TMEM245: variants seen among roughly 807,000 people sequenced by gnomAD.
The protein encoded by TMEM245 is transmembrane protein 245, also known as protein CG-2.
A neutral mutation model predicts 101.2 loss-of-function variants in TMEM245; 69 were observed. That is an observed-to-expected ratio of 0.68 (90% confidence interval 0.56 to 0.83). The LOEUF (loss-of-function observed/expected upper bound fraction) is 0.83, where lower values mean the gene tolerates loss of function less well. TMEM245 is among the 40% of genes least tolerant of loss of function. The pLI is 0.00. For missense variants in TMEM245, 1,075 were observed against 1,092.8 expected, an observed-to-expected ratio of 0.98 and a Z score of 0.23; for synonymous variants, 537 against 449.8, an observed-to-expected ratio of 1.19 and a Z score of -2.45.
intron 12 of TMEM245, among the ~76,000 whole-genome samples, chr9:109,056,079 T>A (rs909381738): frequency 2.6e-5 from 4 of 152,146 alleles, no homozygotes; most frequent in African/African-American, 9.7e-5. Flanking sequence ...TCTTCCACAT[T>A]AGGAAGCCAA....
chr9:109,090,895 C>A (rs761855285), intron 5 of TMEM245, 27 bp downstream of exon 5: 26 of 1,593,716 alleles, frequency 1.6e-5, no homozygotes, highest in East Asian at 2.2e-5. Context: ...AAAGACAAGA[C>A]GAGATCGTAC....
intron 15 of TMEM245, 62 bp downstream of exon 15, chr9:109,037,955 T>C: frequency 7.4e-7 from 1 of 1,348,274 alleles, no homozygotes; most frequent in African/African-American, 1.5e-5. Flanking sequence ...TTCCTAGATG[T>C]ATGTAAAATG....
chr9:109,113,525 A>T (rs994046547), intron 1 of TMEM245, among the ~76,000 whole-genome samples: 1 of 152,266 alleles, frequency 6.6e-6, no homozygotes, highest in Non-Finnish European at 1.5e-5. Flanking sequence ...TAGACACTAC[A>T]TAAGACTGCA....
At chr9:109,038,575 A>C (rs2132333984) in intron 14 of TMEM245, 1 of 152,936 alleles carries the variant, frequency 6.5e-6, no homozygotes, top group Admixed American at 6.5e-5. Flanking sequence ...GGATAGTGTA[A>C]CTTGTATTTC....
chr9:109,076,530 T>C (rs75632323), intron 8 of TMEM245, among the ~76,000 whole-genome samples: 7 of 151,176 alleles, frequency 4.6e-5, no homozygotes, highest in African/African-American at 1.7e-4. Context: ...TAAAGTATAA[T>C]AAAAAAAAAG....
Position 109,080,860 on chromosome 9 carries a change from TAAAAG to T in TMEM245, c.1423_1427del (p.Leu475SerfsTer17), listed in dbSNP as rs758003759. On this transcript the variant is annotated frameshift_variant, in exon 8 of 18. Transcript: ENST00000374586. LOFTEE classifies it high-confidence loss of function. ...CTACCTTTGCAGTCAGGAGTAGGGCTAAAAGAAGAGTTCCTATCACTAACAAAAAT... is the reference window on the plus strand; with the variant it reads ...CTACCTTTGCAGTCAGGAGTAGGGCTAAGAGTTCCTATCACTAACAAAAAT... 7 of 1,602,240 alleles carry T rather than the reference TAAAAG, an allele frequency of 4.4e-6. No individual in the cohort carries two copies. The highest frequency in any genetic ancestry group is 1.1e-5 in the South Asian group (1 of 90,728).
chr9:109,112,850 G>T (rs758342636), intron 1 of TMEM245, among the ~76,000 whole-genome samples: 1 of 152,098 alleles, frequency 6.6e-6, no homozygotes, highest in Non-Finnish European at 1.5e-5. Flanking sequence ...GACCAAGATG[G>T]GCAGATCATG....
chr9:109,106,635 T>C, intron 2 of TMEM245, 26 bp from the exon 3 acceptor site: 1 of 1,545,434 alleles, frequency 6.5e-7, no homozygotes, highest in Non-Finnish European at 8.8e-7. Context: ...AATTAACATT[T>C]TTAGTGAAAT....
intron 10 of TMEM245, among the ~76,000 whole-genome samples, chr9:109,064,027 C>T (rs995389219): frequency 2.0e-5 from 3 of 152,140 alleles, no homozygotes; most frequent in African/African-American, 7.2e-5. Flanking sequence ...CTTGCTGAGT[C>T]TTGTTTCCTC....
At chr9:109,073,852 T>G (rs957887240) in intron 8 of TMEM245, among the ~76,000 whole-genome samples, 8 of 133,378 alleles carry the variant, frequency 6.0e-5, no homozygotes, top group South Asian at 2.3e-4. Context: ...AACTTTTTTT[T>G]TTTGTTTTTT....
At chr9:109,076,624 TAATTTCTA>T (rs1448224484) in intron 8 of TMEM245, among the ~76,000 whole-genome samples, 7 of 152,234 alleles carry the variant, frequency 4.6e-5, no homozygotes, top group Non-Finnish European at 1.0e-4. Context: ...GTATGTTGCT[TAATTTCTA>T]AATATTTGGA....
At chr9:109,077,071 G>A (rs1829530880) in intron 8 of TMEM245, among the ~76,000 whole-genome samples, 2 of 150,920 alleles carry the variant, frequency 1.3e-5, no homozygotes, top group South Asian at 4.2e-4. Context: ...TATAATTTTT[G>A]TTATAATATT....
chr9:109,041,289 C>A (rs762381565), intron 14 of TMEM245, among the ~76,000 whole-genome samples: 7 of 152,074 alleles, frequency 4.6e-5, no homozygotes, highest in Middle Eastern at 3.4e-3. Flanking sequence ...TTCAGCCCCC[C>A]CAAAAGAAGG....
intron 2 of TMEM245, among the ~76,000 whole-genome samples, chr9:109,108,191 T>G (rs778319696): frequency 1.3e-5 from 2 of 152,142 alleles, no homozygotes; most frequent in Non-Finnish European, 2.9e-5. Context: ...AGAAATGATA[T>G]GAGAATCCAA....
intron 5 of TMEM245, among the ~76,000 whole-genome samples, chr9:109,088,688 G>A (rs1829912097): frequency 6.6e-6 from 1 of 151,838 alleles, no homozygotes; most frequent in African/African-American, 2.4e-5. Context: ...GTTGTGGCAG[G>A]CACCTGTAGT....
At chr9:109,035,485 T>A (rs1828091420) in intron 16 of TMEM245, among the ~76,000 whole-genome samples, 1 of 152,206 alleles carries the variant, frequency 6.6e-6, no homozygotes, top group African/African-American at 2.4e-5. Context: ...TTAACCTGTA[T>A]TTATCATAGA....
chr9:109,049,728 A>G (rs1040755482), intron 14 of TMEM245, among the ~76,000 whole-genome samples: 3 of 152,062 alleles, frequency 2.0e-5, no homozygotes, highest in Admixed American at 2.0e-4. Context: ...TTGGGAGGCT[A>G]AAGCAGGAGA....
rs146709346 is a variant in TMEM245, at chr9:109,045,644, A to G, written c.2123+4639T>C. On this transcript the variant is annotated intron_variant, in intron 14 of 17. Transcript: ENST00000374586. ...AAACGTGTATTTCAAAACTAGTTCC[A>G]TTATTAGCCCACTAAAATGAATTTA... 1.7e-4 allele frequency among the ~76,000 whole-genome samples: 26 copies of G among 152,326 alleles called. 1 individual carries two copies. The East Asian group carries it at 4.4e-3, about 26-fold the overall frequency.
intron 8 of TMEM245, among the ~76,000 whole-genome samples, chr9:109,075,088 G>A (rs137988694): frequency 6.6e-6 from 1 of 152,200 alleles, no homozygotes; most frequent in Non-Finnish European, 1.5e-5. Context: ...TGAGGCTAAG[G>A]AACAATTCAA....
Sources: gnomAD v4.1 joint callset for allele counts (sites outside exome capture counted in the v4.1 genomes callset) on GRCh38, gnomAD v4.1.1 for gene constraint, MANE v1.5 for transcripts, NCBI Gene and HGNC (gene_info 2026-07-23, HGNC 2026-07-21) for gene names.